The following ABHD2 variants were observed in gnomAD, a reference collection of about 807,000 sequenced individuals.
ABHD2 encodes the protein monoacylglycerol lipase ABHD2.
ABHD2 carries 20 observed loss-of-function variants against 48.1 expected under a neutral mutation model. The observed-to-expected ratio is 0.42, with a 90% CI of 0.29 to 0.60. ABHD2 has a LOEUF of 0.60. Among genes scored for constraint, ABHD2 ranks in the 20% least tolerant of loss-of-function variants. The pLI, the probability that ABHD2 is intolerant of heterozygous loss-of-function variation, is 0.24. For missense variants in ABHD2, 405 were observed against 550.9 expected (o/e 0.74, Z 2.65); for synonymous variants, 209 against 214.2 (o/e 0.98, Z 0.21).
intron 1 of ABHD2, among the ~76,000 whole-genome samples, chr15:89,107,523 T>C (rs1331070783): frequency 6.6e-6 from 1 of 152,158 alleles, no homozygotes; most frequent in African/African-American, 2.4e-5. Flanking sequence ...GAGATGGTAA[T>C]AGCGAATATT....
chr15:89,042,819 T>G, the ABHD2 span, among the ~76,000 whole-genome samples: 14 of 151,542 alleles, frequency 9.2e-5, no homozygotes, highest in African/African-American at 3.4e-4. Context: ...GCTAATTTTT[T>G]TTTTCTTTTT....
intron 3 of ABHD2, among the ~76,000 whole-genome samples, chr15:89,134,435 A>G (rs917079760): frequency 1.3e-5 from 2 of 152,164 alleles, no homozygotes; most frequent in African/African-American, 2.4e-5. Context: ...TTTTTCACCA[A>G]CTAAATTTCC....
At chr15:89,048,895 G>A in the ABHD2 span, among the ~76,000 whole-genome samples, 1 of 121,552 alleles carries the variant, frequency 8.2e-6, no homozygotes, top group Admixed American at 8.2e-5. Context: ...CCTTCTCTCA[G>A]CTCGTCAAAG....
chr15:89,069,619 C>G, the ABHD2 span, among the ~76,000 whole-genome samples: 1 of 138,532 alleles, frequency 7.2e-6, no homozygotes, highest in Non-Finnish European at 1.5e-5. Context: ...TGCTTGCAAA[C>G]TTTGTAAAAA....
chr15:89,070,405 T>C, the ABHD2 span, among the ~76,000 whole-genome samples: 6 of 152,210 alleles, frequency 3.9e-5, no homozygotes, highest in Non-Finnish European at 8.8e-5. Flanking sequence ...TATCCCTCCT[T>C]GTCACAATTA....
the ABHD2 span, among the ~76,000 whole-genome samples, chr15:89,082,039 G>A: frequency 6.6e-6 from 1 of 152,070 alleles, no homozygotes; most frequent in Non-Finnish European, 1.5e-5. This position sits in a 1 kb window ranked among gnomAD's most constrained non-coding sequence, Gnocchi z 4.4. Flanking sequence ...CCTGGGCACT[G>A]GAGGGTGGTT....
chr15:89,098,922 T>G (rs2049656983), intron 1 of ABHD2, among the ~76,000 whole-genome samples: 1 of 152,198 alleles, frequency 6.6e-6, no homozygotes, highest in African/African-American at 2.4e-5. Flanking sequence ...TCATGGAGCT[T>G]CTGTAAAGCT....
chr15:89,124,008 A>G (rs1381579592), intron 3 of ABHD2, among the ~76,000 whole-genome samples: 1 of 152,212 alleles, frequency 6.6e-6, no homozygotes, highest in African/African-American at 2.4e-5. Flanking sequence ...TCTTAACAGT[A>G]AATATCCATT....
At chr15:89,050,587 G>A in the ABHD2 span, among the ~76,000 whole-genome samples, 1 of 152,186 alleles carries the variant, frequency 6.6e-6, no homozygotes, top group Admixed American at 6.5e-5. Flanking sequence ...TGAGTCCTGG[G>A]GATCCAATCT....
the ABHD2 span, among the ~76,000 whole-genome samples, chr15:89,077,701 T>C: frequency 1.3e-5 from 2 of 152,234 alleles, no homozygotes; most frequent in Non-Finnish European, 2.9e-5. Context: ...GTAAGGGTTT[T>C]ATAAATGTTA....
At chr15:89,161,624 C>A (rs1400120199) in intron 5 of ABHD2, among the ~76,000 whole-genome samples, 3 of 152,174 alleles carry the variant, frequency 2.0e-5, no homozygotes, top group Admixed American at 6.5e-5. Flanking sequence ...TGGTGTCGAA[C>A]TCCTGACCTT....
chr15:89,199,910 G>GGC lies in ABHD2; in HGVS notation c.*4488_*4489insCG, dbSNP rs1031633854. ...AGGAAGGGGAATCTGGCCCCTGCTGGGAGAGGGAACTGGAATGCCACACAA... is the reference window on the plus strand; with the variant it reads ...AGGAAGGGGAATCTGGCCCCTGCTGGGCGAGAGGGAACTGGAATGCCACACAA... On this transcript the variant is annotated 3_prime_UTR_variant, in exon 11 of 11. Coordinates refer to ENST00000352732, the MANE Select transcript of ABHD2 (RefSeq NM_152924.5). This position sits in a 1 kb window ranked among gnomAD's most constrained non-coding sequence, Gnocchi z 4.1. 1.3e-5 allele frequency: 2 copies of GGC among 152,520 alleles called. No individual in the cohort carries two copies. Among genetic ancestry groups the GGC allele is most frequent in the African/African-American group, 4.8e-5 (2 of 41,480 alleles). The allele number at this position is 152,520 out of a possible 1,614,324, so 9.4% of individuals were successfully genotyped here. A position where few individuals can be genotyped will look rare whatever the true frequency, so the allele number is the denominator to read the frequency against.
intron 2 of ABHD2, among the ~76,000 whole-genome samples, chr15:89,115,584 T>C (rs1421570178): frequency 6.6e-6 from 1 of 152,194 alleles, no homozygotes; most frequent in East Asian, 1.9e-4. Flanking sequence ...CTAATGGCTA[T>C]AGTCAGGTAG....
chr15:89,201,059 G>T lies in ABHD2; in HGVS notation c.*5636G>T. On this transcript the variant is annotated 3_prime_UTR_variant, in exon 11 of 11. Coordinates refer to ENST00000352732, the MANE Select transcript of ABHD2 (RefSeq NM_152924.5). ...ATCACGCCTCTGCACTCCAGCCTGG[G>T]CAACAAGAGTGAGACTCCGTCTCCA... The T allele has an allele frequency of 1.3e-6, 1 of 766,508 alleles. No individual in the cohort carries two copies. The highest frequency in any genetic ancestry group is 1.4e-5 in the South Asian group (1 of 69,112). The allele number at this position is 766,508 out of a possible 1,614,324, so 47.5% of individuals were successfully genotyped here.
the ABHD2 span, among the ~76,000 whole-genome samples, chr15:89,049,928 T>C: frequency 6.6e-6 from 1 of 152,174 alleles, no homozygotes. Flanking sequence ...TATTTTTCTC[T>C]TTTCTATTCC....
intron 1 of ABHD2, among the ~76,000 whole-genome samples, chr15:89,108,271 C>T (rs1259538692): frequency 6.6e-6 from 1 of 152,180 alleles, no homozygotes; most frequent in African/African-American, 2.4e-5. Context: ...AGACTGTTCC[C>T]TGCTTGTCTC....
At chr15:89,147,985 C>T (rs2050522997) in intron 3 of ABHD2, among the ~76,000 whole-genome samples, 1 of 151,400 alleles carries the variant, frequency 6.6e-6, no homozygotes, top group Admixed American at 6.6e-5. Context: ...GGCGTGATGA[C>T]ATGCGTGCCT....
At position 89,155,434 on chromosome 15, in the gene ABHD2, C is replaced by T. The variant is rs1018762514; in HGVS notation, c.438C>T (p.Phe146=). 11 of 1,614,192 alleles carry T rather than the reference C, an allele frequency of 6.8e-6. No individual in the cohort carries two copies. Among genetic ancestry groups the T allele is most frequent in the East Asian group, 4.5e-5 (2 of 44,882 alleles). Residue 146 remains phenylalanine (F), a synonymous_variant, in exon 5 of 11, where the codon TTC becomes TTT. Coordinates refer to ENST00000352732, the MANE Select transcript of ABHD2 (RefSeq NM_152924.5). The surrounding 1 kb of genome is among the most constrained non-coding windows in gnomAD (Gnocchi z 4.9). ...NHSEKQYIRT[F]VDYAQKNGYR... ...GCGAGAAGCAATACATCCGCACTTT[C>T]GTTGACTACGCCCAGAAAAATGGCT...
chr15:89,118,159 T>C (rs888734229), intron 3 of ABHD2, among the ~76,000 whole-genome samples: 28 of 152,138 alleles, frequency 1.8e-4, no homozygotes, highest in Admixed American at 9.8e-4. Context: ...GTATTTGTCA[T>C]AGTCATATTT....
Sources: allele counts gnomAD v4.1 joint callset (sites outside exome capture counted in the v4.1 genomes callset), GRCh38; gene constraint gnomAD v4.1.1; non-coding constraint Gnocchi (gnomAD v3.1); transcripts MANE v1.5; gene names NCBI Gene and HGNC (gene_info 2026-07-23, HGNC 2026-07-21).